The following DIAPH1 variants were observed in gnomAD, a reference collection of about 807,000 sequenced individuals.
DIAPH1 encodes the protein protein diaphanous homolog 1.
Under a neutral mutation model 140.7 loss-of-function variants are expected in DIAPH1, and 46 were observed. The observed-to-expected ratio is 0.33, with a 90% confidence interval of 0.26 to 0.42. The LOEUF is 0.42. Ranked by LOEUF, DIAPH1 falls within the 10% of genes least tolerant of loss-of-function variation. The pLI, the probability that DIAPH1 is intolerant of heterozygous loss-of-function variation, is 1.00. For missense variants in DIAPH1, 1,310 were observed against 1,558.7 expected (o/e 0.84, Z 2.69); for synonymous variants, 565 against 551.6 (o/e 1.02, Z -0.34).
chr5:141,550,609 C>T (rs2099891537), intron 18 of DIAPH1: 1 of 154,324 alleles, frequency 6.5e-6, no homozygotes. Context: ...TCTCCTTTCC[C>T]TGTTCTTTCT....
chr5:141,575,586 T>G (rs1395823690), intron 14 of DIAPH1, among the ~76,000 whole-genome samples: 1 of 151,876 alleles, frequency 6.6e-6, no homozygotes, highest in Middle Eastern at 3.4e-3. Flanking sequence ...GAGACAGAGG[T>G]TGCAGTGAGC....
chr5:141,560,883 T>A (rs1206678842), intron 18 of DIAPH1: 1 of 413,510 alleles, frequency 2.4e-6, no homozygotes, highest in Non-Finnish European at 4.8e-6. Flanking sequence ...CATACTGCTG[T>A]TTTTTTCCCT....
chr5:141,527,127 G>C (rs760371259), intron 24 of DIAPH1, among the ~76,000 whole-genome samples: 14 of 152,154 alleles, frequency 9.2e-5, no homozygotes, highest in Non-Finnish European at 1.5e-5. Flanking sequence ...CGGGGTACAG[G>C]CAGGGGAGTT....
rs548327056 is a variant in DIAPH1, at chr5:141,618,790, A to T, written c.117+8T>A. ...GCCAGGCAGGAGCGGGATGGGAGGG[A>T]CACTCACAAATTTCTTAGATTTGCC... On this transcript the variant is annotated splice_region_variant and intron_variant, in intron 1 of 27. Transcript: ENST00000389054. 9.9e-5 allele frequency: 153 copies of T among 1,540,062 alleles called. No homozygotes were observed. The East Asian group carries it at 3.6e-3, about 37-fold the overall frequency.
rs377025811 is a variant in DIAPH1, at chr5:141,579,126, G to A, written c.895C>T (p.Leu299=). 3.1e-6 allele frequency: 5 copies of A among 1,614,020 alleles called. No individual in the cohort carries two copies. Among genetic ancestry groups the A allele is most frequent in the Non-Finnish European group, 4.2e-6 (5 of 1,180,002 alleles). Residue 299 remains leucine (L), a synonymous_variant, in exon 9 of 28, where the codon CTG becomes TTG. Transcript: ENST00000389054. ...GTGGTTCCACTTTTTAATCCATCCA[G>A]CAGCGGCTGGAAACGTTCCACTTCA... ...MDEVERFQPL[L]DGLKSGTTIA... is the part of the protein sequence containing the mutation.
Position 141,541,317 on chromosome 5 carries a change from T to C in DIAPH1, c.2483-6884A>G, listed in dbSNP as rs111614052. Among the ~76,000 whole-genome samples, 448 of 152,340 alleles carry C rather than the reference T, an allele frequency of 2.9e-3. 2 individuals are homozygous for C. Among genetic ancestry groups the C allele is most frequent in the Admixed American group, 9.3e-3 (143 of 15,306 alleles). ...TAACTTTATGCTTAATTGTGAAAGA[T>C]TGAATTCTGAGACTCTAGAAACCAG... is the stretch of plus-strand genomic sequence containing the variant. On this transcript the variant is annotated intron_variant, in intron 18 of 27. Coordinates refer to ENST00000389054, the MANE Select transcript of DIAPH1 (RefSeq NM_005219.5).
At chr5:141,583,370 T>G in intron 5 of DIAPH1, 78 bp from the exon 6 acceptor site, 1 of 1,603,512 alleles carries the variant, frequency 6.2e-7, no homozygotes, top group Non-Finnish European at 8.5e-7. Context: ...TCCTGACAAC[T>G]TACTACTCCC....
intron 9 of DIAPH1, 111 bp from the exon 10 acceptor site, chr5:141,578,736 A>G: frequency 7.2e-6 from 6 of 838,214 alleles, no homozygotes; most frequent in Non-Finnish European, 1.2e-5. Context: ...GATACAATAC[A>G]AAAACTCTAA....
In DIAPH1 at chr5:141,528,785, T is replaced by A. The variant is rs1415421387; in HGVS notation, c.2935A>T (p.Ile979Phe). 1 of 1,614,222 alleles carries A rather than the reference T, an allele frequency of 6.2e-7. No individual in the cohort carries two copies. Among genetic ancestry groups the A allele is most frequent in the Non-Finnish European group, 8.5e-7 (1 of 1,180,036 alleles). ...ATGTAATTTCCAACAAGCAAGGTAA[T>A]CTCTAGGAGATTGGAAAAGCTCTCA... ...KSESFSNLLEITLLVGNYMNA... is the reference protein window; with the variant it reads ...KSESFSNLLEFTLLVGNYMNA... The change falls in exon 22 of 28, where the codon ATT becomes TTT. Residue 979 changes from isoleucine (I) to phenylalanine (F), a missense_variant. This residue lies in a region of DIAPH1 where 344 missense variants were observed against 512.2 expected (regional missense o/e 0.67). Coordinates refer to ENST00000389054, the MANE Select transcript of DIAPH1 (RefSeq NM_005219.5).
Position 141,576,865 on chromosome 5 carries a change from C to G in DIAPH1, c.1287G>C (p.Gln429His), listed in dbSNP as rs748159908. ...TACATTCTTCAATCAACTTATAGTA[C>G]TGAGGTCTACAAGAGAATAAAAACA... ...LVRNDYEARPQYYKLIEECIS... is the reference protein window; with the variant it reads ...LVRNDYEARPHYYKLIEECIS... The change falls in exon 13 of 28, where the codon CAG becomes CAC. Residue 429 changes from glutamine (Q) to histidine (H), a missense_variant. By Grantham distance (24) the Gln-to-His change is conservative. Around this residue, in one of 3 missense-constraint regions of DIAPH1, gnomAD observed 589 missense variants for 549.3 expected, o/e 1.07. Coordinates refer to ENST00000389054, the MANE Select transcript of DIAPH1 (RefSeq NM_005219.5). The G allele has an allele frequency of 1.1e-5, 17 of 1,579,062 alleles. No individual in the cohort carries two copies. The highest frequency in any genetic ancestry group is 1.7e-4 in the Middle Eastern group (1 of 6,006).
chr5:141,574,144 G>T lies in DIAPH1; in HGVS notation c.1706C>A (p.Ala569Asp). The part of the protein sequence containing the change: ...KKEMASLSAA[A>D]ITVPPSVPSR... ...AGGAACAGAAGGAGGTACAGTAATA[G>T]CTGCCGCAGAGAGGGAAGCCATTTC... The change falls in exon 16 of 28, where the codon GCT becomes GAT. Residue 569 changes from alanine to aspartate, a missense_variant. Physicochemically the swap from Ala to Asp is moderately radical, Grantham distance 126 (BLOSUM62 -2). This residue lies in a region of DIAPH1 where 589 missense variants were observed against 549.3 expected (regional missense o/e 1.07). Coordinates refer to ENST00000389054, the MANE Select transcript of DIAPH1 (RefSeq NM_005219.5). 1 of 1,614,102 alleles carries T rather than the reference G, an allele frequency of 6.2e-7. No homozygotes were observed. The highest frequency in any genetic ancestry group is 8.5e-7 in the Non-Finnish European group (1 of 1,180,012).
intron 15 of DIAPH1, among the ~76,000 whole-genome samples, chr5:141,574,556 A>C (rs538117533): frequency 6.6e-6 from 1 of 152,360 alleles, no homozygotes; most frequent in Admixed American, 6.5e-5. Flanking sequence ...TAACCACATA[A>C]GTAATCAAGT....
At chr5:141,517,856 T>C (rs768220757) in intron 27 of DIAPH1, among the ~76,000 whole-genome samples, 8 of 152,216 alleles carry the variant, frequency 5.3e-5, no homozygotes, top group Non-Finnish European at 8.8e-5. Context: ...TTCTAACTGC[T>C]GGGTTTCATC....
chr5:141,533,966 G>C (rs2099888632), intron 19 of DIAPH1, among the ~76,000 whole-genome samples: 1 of 150,526 alleles, frequency 6.6e-6, no homozygotes, highest in Admixed American at 6.7e-5. Flanking sequence ...AGGAAGCTGA[G>C]GTGGCAGTGA....
chr5:141,618,568 G>T (rs1006343822), intron 1 of DIAPH1: 1 of 445,684 alleles, frequency 2.2e-6, no homozygotes, highest in African/African-American at 2.1e-5. Flanking sequence ...AAGGGCTGGG[G>T]AACGAGGGAA....
At chr5:141,578,010 A>T in intron 11 of DIAPH1, 1 of 621,766 alleles carries the variant, frequency 1.6e-6, no homozygotes, top group African/African-American at 1.8e-5. Flanking sequence ...TTCCATGCTC[A>T]ACAACCCTCA....
intron 8 of DIAPH1, 109 bp downstream of exon 8, chr5:141,580,635 T>C: frequency 9.3e-7 from 1 of 1,078,826 alleles, no homozygotes; most frequent in South Asian, 1.3e-5. Flanking sequence ...AACACAATCT[T>C]ACCTAGTATT....
chr5:141,537,290 C>G (rs931290910), intron 18 of DIAPH1, among the ~76,000 whole-genome samples: 1 of 151,594 alleles, frequency 6.6e-6, no homozygotes, highest in African/African-American at 2.4e-5. Context: ...TCGAGACCAG[C>G]CTGACCAACA....
rs370441015 is a variant in DIAPH1, at chr5:141,571,917, G to A, written c.2473+9C>T. 6.3e-7 allele frequency: 1 copy of A among 1,589,040 alleles called. No homozygotes were observed. The highest frequency in any genetic ancestry group is 8.6e-7 in the Non-Finnish European group (1 of 1,157,180). On this transcript the variant is annotated intron_variant, in intron 17 of 27. Transcript: ENST00000389054. ...ACTGGACCTTTGCATCAAAGAGGAAGGTACTCACTCTTGGTCTGGGCAGAG... is the reference window on the plus strand; with the variant it reads ...ACTGGACCTTTGCATCAAAGAGGAAAGTACTCACTCTTGGTCTGGGCAGAG...
Sources: allele counts gnomAD v4.1 joint callset (sites outside exome capture counted in the v4.1 genomes callset), GRCh38; gene constraint gnomAD v4.1.1; regional missense constraint gnomAD v4.1.1; transcripts MANE v1.5; gene names NCBI Gene and HGNC (gene_info 2026-07-23, HGNC 2026-07-21).